NTSR1: variants seen among roughly 807,000 people sequenced by gnomAD.
NTSR1 encodes neurotensin receptor 1, also known as neurotensin receptor type 1.
A neutral mutation model predicts 31.2 loss-of-function variants in NTSR1; 29 were observed. The observed-to-expected ratio is 0.93, with a 90% CI of 0.69 to 1.27. The LOEUF is 1.27. Among genes scored for constraint, NTSR1 ranks in the 50% most tolerant of loss-of-function variants. The probability of loss-of-function intolerance (pLI) is 0.00; values close to 1 mark genes in which losing one functional copy is unlikely to be tolerated. For synonymous variants in NTSR1, 282 were observed against 269.9 expected (o/e 1.04, Z -0.44); for missense variants, 697 against 595.4 (o/e 1.17, Z -1.78).
chr20:62,739,145 C>A (rs1456118563), intron 1 of NTSR1, among the ~76,000 whole-genome samples: 1 of 152,202 alleles, frequency 6.6e-6, no homozygotes. Flanking sequence ...ACCCGTTGGG[C>A]TCTTGAGACT....
chr20:62,748,173 C>A (rs1314633780), intron 1 of NTSR1, among the ~76,000 whole-genome samples: 125 of 112,446 alleles, frequency 1.1e-3, no homozygotes, highest in Non-Finnish European at 1.7e-3. Context: ...GAGAATCTGT[C>A]TCAAAAAAAA....
At chr20:62,718,459 C>A (rs1459236894) in intron 1 of NTSR1, among the ~76,000 whole-genome samples, 1 of 152,162 alleles carries the variant, frequency 6.6e-6, no homozygotes, top group Non-Finnish European at 1.5e-5. Context: ...CTTGTTCGCA[C>A]CTATGAGCTT....
In NTSR1 at chr20:62,710,513, T is replaced by C. The variant is rs189216996; in HGVS notation, c.714+592T>C. Among the ~76,000 whole-genome samples, 541 of 152,270 alleles carry C rather than the reference T, an allele frequency of 3.6e-3. 4 individuals carry two copies. The highest frequency in any genetic ancestry group is 4.0e-3 in the Non-Finnish European group (269 of 68,024). ...AAGTGTTTGCATGGCCCCTGACACA[T>C]AGAAGGGCTCACAGGCACTATTATT... On this transcript the variant is annotated intron_variant, in intron 1 of 3. Transcript: ENST00000370501.
chr20:62,713,252 T>C (rs117131339), intron 1 of NTSR1, among the ~76,000 whole-genome samples: 7,420 of 152,292 alleles, frequency 0.049, 240 homozygotes, highest in Non-Finnish European at 0.072. Flanking sequence ...CTTCTTCATA[T>C]TGAGTACAAA....
chr20:62,760,018 G>T lies in NTSR1; in HGVS notation c.1008G>T (p.Pro336=), dbSNP rs141486757. 72 of 1,613,282 alleles carry T rather than the reference G, an allele frequency of 4.5e-5. No individual in the cohort carries two copies. The highest frequency in any genetic ancestry group is 9.3e-5 in the African/African-American group (7 of 74,896). ...FCYISDEQWT[P]FLYDFYHYFY... ...TCTGAGCGCCTCTCTCTCCCCGCAG[G>T]TTCCTCTATGACTTCTACCACTACT... The change falls in exon 4 of 4, where the codon CCG becomes CCT. Residue 336 remains proline (P), a splice_region_variant and synonymous_variant. Coordinates refer to ENST00000370501, the MANE Select transcript of NTSR1 (RefSeq NM_002531.3).
At position 62,709,447 on chromosome 20, in the gene NTSR1, C is replaced by T. The variant is rs777115205; in HGVS notation, c.240C>T (p.Gly80=). The change falls in exon 1 of 4, where the codon GGC becomes GGT. Residue 80 remains glycine, a synonymous_variant. Coordinates refer to ENST00000370501, the MANE Select transcript of NTSR1 (RefSeq NM_002531.3). ...YLALFVVGTV[G]NTVTAFTLAR... is the part of the protein sequence containing the mutation. The stretch of plus-strand genomic sequence containing the variant: ...CGCTCTTCGTGGTGGGCACGGTGGG[C>T]AACACGGTGACGGCGTTCACGCTGG... 10 of 1,612,386 alleles carry T rather than the reference C, an allele frequency of 6.2e-6. No homozygotes were observed. The highest frequency in any genetic ancestry group is 1.3e-5 in the African/African-American group (1 of 74,932).
rs1989259423 is a variant in NTSR1, at chr20:62,744,359, C to T, written c.715-10326C>T. Among the ~76,000 whole-genome samples, 1 of 152,094 alleles carries T rather than the reference C, an allele frequency of 6.6e-6. No individual in the cohort carries two copies. The highest frequency in any genetic ancestry group is 2.1e-4 in the South Asian group (1 of 4,828). On this transcript the variant is annotated intron_variant, in intron 1 of 3. Transcript: ENST00000370501. The surrounding 1 kb of genome is among the most constrained non-coding windows in gnomAD (Gnocchi z 4.1). ...CATGAGGTCAGGAGATCGAGACCAT[C>T]CTGGCTAACATGGTGAAACCCTGTC...
In NTSR1 at chr20:62,716,621, C is replaced by T. The variant is rs562835076; in HGVS notation, c.714+6700C>T. Among the ~76,000 whole-genome samples the T allele has an allele frequency of 1.9e-3, 100 of 51,550 alleles. 2 individuals carry two copies. In the Middle Eastern group the frequency reaches 0.053, roughly 27 times the overall value. The allele number at this position is 51,550 out of a possible 152,430, so 33.8% of individuals were successfully genotyped here. A position where few individuals can be genotyped will look rare whatever the true frequency, so the allele number is the denominator to read the frequency against. ...CCTGCCTCCGTGAGTCTGTGAAAAA[C>T]AACAGCAGCAGAGAGTGACCGAGCT... On this transcript the variant is annotated intron_variant, in intron 1 of 3. Transcript: ENST00000370501.
chr20:62,739,803 C>T (rs896458894), intron 1 of NTSR1, among the ~76,000 whole-genome samples: 12 of 152,388 alleles, frequency 7.9e-5, no homozygotes, highest in Non-Finnish European at 1.8e-4. Context: ...CACAGAGAAC[C>T]GTGGGGCTGG....
intron 1 of NTSR1, among the ~76,000 whole-genome samples, chr20:62,747,563 A>G (rs55850938): frequency 0.035 from 4,973 of 141,352 alleles, 175 homozygotes; most frequent in South Asian, 0.056. Context: ...ACACTCAGTG[A>G]TAAGAAGTAG....
chr20:62,733,863 G>A lies in NTSR1; in HGVS notation c.715-20822G>A, dbSNP rs1007083678. 6.6e-6 allele frequency among the ~76,000 whole-genome samples: 1 copy of A among 152,196 alleles called. No individual in the cohort carries two copies. Among genetic ancestry groups the A allele is most frequent in the African/African-American group, 2.4e-5 (1 of 41,438 alleles). On this transcript the variant is annotated intron_variant, in intron 1 of 3. Coordinates refer to ENST00000370501, the MANE Select transcript of NTSR1 (RefSeq NM_002531.3). The surrounding 1 kb of genome is among the most constrained non-coding windows in gnomAD (Gnocchi z 5.2). ...GAGAGAGGGAAGGCTCTGTGCTGGG[G>A]AAGAGGCCTCCAGCAGGGAGTAGTG...
intron 1 of NTSR1, among the ~76,000 whole-genome samples, chr20:62,727,986 C>G (rs925435563): frequency 1.3e-5 from 2 of 152,244 alleles, no homozygotes; most frequent in Admixed American, 1.3e-4. Context: ...CCAGCGAGGC[C>G]TCAGGGCTGC....
At chr20:62,736,005 G>A (rs550056185) in intron 1 of NTSR1, among the ~76,000 whole-genome samples, 3 of 152,296 alleles carry the variant, frequency 2.0e-5, no homozygotes, top group Admixed American at 1.3e-4. Context: ...ACAAATTTCC[G>A]AGCCCAGTAA....
chr20:62,754,427 A>T (rs533071045), intron 1 of NTSR1, among the ~76,000 whole-genome samples: 1 of 152,190 alleles, frequency 6.6e-6, no homozygotes, highest in African/African-American at 2.4e-5. Context: ...GGAGGGACTC[A>T]TGAAAGTAGG....
At position 62,743,099 on chromosome 20, in the gene NTSR1, G is replaced by T. The variant is rs1159276196; in HGVS notation, c.715-11586G>T. Among the ~76,000 whole-genome samples the T allele has an allele frequency of 1.3e-5, 2 of 149,470 alleles. 1 individual carries two copies. ...GGTAGGCTCCAATCCAGAGAGTCAG[G>T]CTGGGAGGGGAGCACGGAGCCGCCC... is the stretch of plus-strand genomic sequence containing the variant. On this transcript the variant is annotated intron_variant, in intron 1 of 3. Coordinates refer to ENST00000370501, the MANE Select transcript of NTSR1 (RefSeq NM_002531.3). The surrounding 1 kb of genome is among the most constrained non-coding windows in gnomAD (Gnocchi z 7.5).
Position 62,709,013 on chromosome 20 carries a change from C to T in NTSR1, c.-195C>T. ...CGGAAGCTGGGAGTCCGGAGGAGAG[C>T]GGAGCCCGGAGCCCGGAGCCCGGGG... On this transcript the variant is annotated 5_prime_UTR_variant, in exon 1 of 4. Coordinates refer to ENST00000370501, the MANE Select transcript of NTSR1 (RefSeq NM_002531.3). 4.4e-6 allele frequency: 2 copies of T among 459,134 alleles called. No individual in the cohort carries two copies. The highest frequency in any genetic ancestry group is 7.5e-6 in the Non-Finnish European group (2 of 266,096). 28.4% of individuals were successfully genotyped at this position (459,134 alleles called of 1,614,324 possible). A position where few individuals can be genotyped will look rare whatever the true frequency, so the allele number is the denominator to read the frequency against.
At chr20:62,755,831 A>C (rs1383488903) in intron 2 of NTSR1, among the ~76,000 whole-genome samples, 20 of 9,452 alleles carry the variant, frequency 2.1e-3, no homozygotes, top group Admixed American at 4.5e-3. Context: ...CCCTCCATCC[A>C]TCCCTCCCTC....
At chr20:62,754,914 C>T (rs759031035) in intron 2 of NTSR1, 28 bp downstream of exon 2, 30 of 1,555,740 alleles carry the variant, frequency 1.9e-5, no homozygotes, top group South Asian at 5.7e-5. Context: ...CCTCCAGGGG[C>T]GGGAGGCAGG....
intron 1 of NTSR1, among the ~76,000 whole-genome samples, chr20:62,722,751 C>A (rs532822393): frequency 6.6e-6 from 1 of 152,214 alleles, no homozygotes; most frequent in African/African-American, 2.4e-5. Flanking sequence ...GAGGTTTGTC[C>A]AGGGTCTGAA....
Sources: allele counts gnomAD v4.1 joint callset (sites outside exome capture counted in the v4.1 genomes callset), GRCh38; gene constraint gnomAD v4.1.1; non-coding constraint Gnocchi (gnomAD v3.1); transcripts MANE v1.5; gene names NCBI Gene and HGNC (gene_info 2026-07-23, HGNC 2026-07-21).